The following SPOCK3 variants were observed in gnomAD, a reference collection of about 807,000 sequenced individuals.
SPOCK3 encodes the protein SPARC (osteonectin), cwcv and kazal like domains proteoglycan 3, also known as testican-3.
SPOCK3 carries 30 observed loss-of-function variants against 56.6 expected under a neutral mutation model. That is an observed-to-expected ratio of 0.53 (90% CI 0.40 to 0.72). The LOEUF is 0.72. Ranked by LOEUF, SPOCK3 falls within the 30% of genes least tolerant of loss-of-function variation. The probability of loss-of-function intolerance (pLI) is 0.00; values close to 1 mark genes in which losing one functional copy is unlikely to be tolerated. For synonymous variants in SPOCK3, 196 were observed against 183.3 expected (o/e 1.07, Z -0.56); for missense variants, 527 against 530.0 (o/e 0.99, Z 0.06).
At chr4:167,055,684 G>A (rs539539589) in intron 3 of SPOCK3, among the ~76,000 whole-genome samples, 11 of 152,324 alleles carry the variant, frequency 7.2e-5, no homozygotes, top group South Asian at 2.1e-4. Flanking sequence ...CTACGCCCAC[G>A]GAGTCTCACT....
At chr4:166,941,042 A>G (rs1158589197) in intron 4 of SPOCK3, among the ~76,000 whole-genome samples, 1 of 151,934 alleles carries the variant, frequency 6.6e-6, no homozygotes, top group Non-Finnish European at 1.5e-5. Flanking sequence ...TTTGCTGTGC[A>G]TCTCTTGTTT....
intron 2 of SPOCK3, among the ~76,000 whole-genome samples, chr4:167,178,712 AG>A (rs1226986599): frequency 6.6e-6 from 1 of 152,128 alleles, no homozygotes; most frequent in Non-Finnish European, 1.5e-5. Context: ...ACTGAGCAAA[AG>A]ATTTTCAAAA....
chr4:166,951,356 C>T (rs1469029842), intron 4 of SPOCK3, among the ~76,000 whole-genome samples: 1 of 137,538 alleles, frequency 7.3e-6, no homozygotes, highest in Middle Eastern at 3.8e-3. Context: ...TTCCTCGACA[C>T]ATACACTCTC....
At chr4:166,780,848 C>T (rs60128559) in intron 7 of SPOCK3, among the ~76,000 whole-genome samples, 3,929 of 152,136 alleles carry the variant, frequency 0.026, 183 homozygotes, top group African/African-American at 0.089. Context: ...TGGAGGGGTA[C>T]AATCAAGAAG....
At chr4:167,207,354 GATTT>G (rs1167185272) in intron 2 of SPOCK3, among the ~76,000 whole-genome samples, 2 of 151,814 alleles carry the variant, frequency 1.3e-5, no homozygotes, top group East Asian at 1.9e-4. Context: ...ACTTTAGAAA[GATTT>G]ATTTTAGAAA....
intron 9 of SPOCK3, among the ~76,000 whole-genome samples, chr4:166,741,660 T>C (rs181621334): frequency 3.3e-5 from 5 of 152,314 alleles, no homozygotes; most frequent in African/African-American, 9.6e-5. Flanking sequence ...ATAGCACATA[T>C]ACATATATAT....
At chr4:166,938,275 G>A (rs532967519) in intron 4 of SPOCK3, among the ~76,000 whole-genome samples, 3 of 152,266 alleles carry the variant, frequency 2.0e-5, no homozygotes, top group Non-Finnish European at 2.9e-5. Context: ...AGGAGCAGGT[G>A]TAAAAACCGC....
chr4:166,937,493 T>C (rs1008155484), intron 4 of SPOCK3, among the ~76,000 whole-genome samples: 6 of 148,492 alleles, frequency 4.0e-5, no homozygotes, highest in African/African-American at 1.5e-4. Flanking sequence ...TCTGATTATT[T>C]CTAGCACATA....
chr4:167,112,842 CTT>C (rs56893441), intron 2 of SPOCK3, among the ~76,000 whole-genome samples: 1 of 140,866 alleles, frequency 7.1e-6, no homozygotes, highest in African/African-American at 2.5e-5. Context: ...CAAAAGTGCT[CTT>C]TTTTAAAAAA....
At chr4:166,934,620 T>C (rs940364419) in intron 4 of SPOCK3, among the ~76,000 whole-genome samples, 1 of 152,138 alleles carries the variant, frequency 6.6e-6, no homozygotes, top group Non-Finnish European at 1.5e-5. Flanking sequence ...CTTATAATAA[T>C]CTATGTGATC....
intron 2 of SPOCK3, among the ~76,000 whole-genome samples, chr4:167,089,802 A>T (rs1056258464): frequency 3.3e-5 from 5 of 152,072 alleles, no homozygotes; most frequent in African/African-American, 1.2e-4. Flanking sequence ...TAAATCCTCT[A>T]TCTTCAGGCC....
chr4:167,027,202 C>T (rs1561135098), intron 3 of SPOCK3, among the ~76,000 whole-genome samples: 1 of 151,968 alleles, frequency 6.6e-6, no homozygotes, highest in South Asian at 2.1e-4. Context: ...AAAATTTCTT[C>T]ACACAGTCTT....
At chr4:166,980,858 G>T (rs565007284) in intron 4 of SPOCK3, among the ~76,000 whole-genome samples, 1 of 152,302 alleles carries the variant, frequency 6.6e-6, no homozygotes, top group Non-Finnish European at 1.5e-5. Flanking sequence ...CCCTAAATCT[G>T]GGCTCCCAGA....
chr4:166,958,119 G>C (rs1380015186), intron 4 of SPOCK3, among the ~76,000 whole-genome samples: 1 of 152,146 alleles, frequency 6.6e-6, no homozygotes, highest in South Asian at 2.1e-4. Flanking sequence ...TGGACCATGG[G>C]GGTGGATTTC....
intron 4 of SPOCK3, among the ~76,000 whole-genome samples, chr4:166,932,084 T>C (rs1250841895): frequency 6.6e-6 from 1 of 152,240 alleles, no homozygotes; most frequent in Non-Finnish European, 1.5e-5. Context: ...TTCAGAATAA[T>C]GCATTTGACA....
At chr4:166,951,973 A>G (rs1199456635) in intron 4 of SPOCK3, among the ~76,000 whole-genome samples, 1 of 152,086 alleles carries the variant, frequency 6.6e-6, no homozygotes, top group Non-Finnish European at 1.5e-5. Flanking sequence ...CACAGCCAAT[A>G]TCATACTGAA....
chr4:166,968,723 C>T (rs564300015), intron 4 of SPOCK3, among the ~76,000 whole-genome samples: 1 of 151,086 alleles, frequency 6.6e-6, no homozygotes, highest in Non-Finnish European at 1.5e-5. Flanking sequence ...TCTACTAGGG[C>T]AGTGCACAGG....
chr4:167,053,302 G>A (rs1448827221), intron 3 of SPOCK3, among the ~76,000 whole-genome samples: 1 of 151,972 alleles, frequency 6.6e-6, no homozygotes, highest in African/African-American at 2.4e-5. Context: ...TAGCTGCCGT[G>A]TATCTGTCTC....
intron 4 of SPOCK3, among the ~76,000 whole-genome samples, chr4:166,944,953 G>T (rs1741543283): frequency 6.6e-6 from 1 of 152,054 alleles, no homozygotes; most frequent in African/African-American, 2.4e-5. Context: ...TATTCAGTGG[G>T]TTATAATTTG....
Sources: gnomAD v4.1 joint callset for allele counts (sites outside exome capture counted in the v4.1 genomes callset) on GRCh38, gnomAD v4.1.1 for gene constraint, MANE v1.5 for transcripts, NCBI Gene and HGNC (gene_info 2026-07-23, HGNC 2026-07-21) for gene names.